The following TENM2 variants were observed in gnomAD, a reference collection of about 807,000 sequenced individuals.
TENM2 encodes the protein teneurin transmembrane protein 2.
TENM2 carries 52 observed loss-of-function variants against 245.2 expected under a neutral mutation model. The observed-to-expected ratio is 0.21, with a 90% CI of 0.17 to 0.27. The LOEUF is 0.27. Among genes scored for constraint, TENM2 ranks in the 10% least tolerant of loss-of-function variants. TENM2 has a pLI of 1.00. For missense variants in TENM2, 3,046 were observed against 3,666.8 expected, an observed-to-expected ratio of 0.83 and a Z score of 4.37; for synonymous variants, 1,363 against 1,438.9, an observed-to-expected ratio of 0.95 and a Z score of 1.19.
chr5:167,169,256 G>A, the TENM2 span, among the ~76,000 whole-genome samples: 2 of 152,258 alleles, frequency 1.3e-5, no homozygotes, highest in Admixed American at 6.5e-5. Flanking sequence ...AAGGTGATCA[G>A]TTTCAACTCT....
chr5:168,040,475 T>C (rs1245882088), intron 5 of TENM2, among the ~76,000 whole-genome samples: 1 of 152,206 alleles, frequency 6.6e-6, no homozygotes, highest in East Asian at 1.9e-4. Flanking sequence ...CAAATCCCAT[T>C]ACCGTTAAAG....
chr5:168,160,101 C>T (rs984803759), intron 12 of TENM2, among the ~76,000 whole-genome samples: 1 of 152,174 alleles, frequency 6.6e-6, no homozygotes, highest in Admixed American at 6.5e-5. Context: ...GTAGGTCTGT[C>T]ATTTAGTGTA....
intron 2 of TENM2, among the ~76,000 whole-genome samples, chr5:167,760,066 G>A (rs1762563070): frequency 6.6e-6 from 1 of 152,174 alleles, no homozygotes; most frequent in African/African-American, 2.4e-5. Flanking sequence ...AGTCACTGTA[G>A]GTATTTGGAG....
At chr5:168,220,631 C>A (rs1434084732) in intron 23 of TENM2, among the ~76,000 whole-genome samples, 2 of 152,068 alleles carry the variant, frequency 1.3e-5, no homozygotes, top group Non-Finnish European at 2.9e-5. Context: ...ATGGTGAGTT[C>A]TTTTTGTTTT....
At chr5:167,035,206 C>T in the TENM2 span, among the ~76,000 whole-genome samples, 1 of 151,838 alleles carries the variant, frequency 6.6e-6, no homozygotes, top group Admixed American at 6.6e-5. Flanking sequence ...TTAGGTTGCA[C>T]ACATTAATTA....
At chr5:167,081,111 A>G in the TENM2 span, among the ~76,000 whole-genome samples, 1 of 151,882 alleles carries the variant, frequency 6.6e-6, no homozygotes. Context: ...TAGATATATT[A>G]TTTTTATGAG....
chr5:167,412,693 A>G (rs961930988), intron 2 of TENM2, among the ~76,000 whole-genome samples: 1 of 152,126 alleles, frequency 6.6e-6, no homozygotes, highest in Non-Finnish European at 1.5e-5. Context: ...CAATGGTTTG[A>G]AAAAACAGTG....
In TENM2 at chr5:168,155,376, A is replaced by C. The variant is rs866092897; in HGVS notation, c.2423-7235A>C. Among the ~76,000 whole-genome samples the C allele has an allele frequency of 5.5e-3, 743 of 136,312 alleles. 8 individuals carry two copies. Among genetic ancestry groups the C allele is most frequent in the African/African-American group, 0.02 (703 of 35,772 alleles). 89.4% of individuals were successfully genotyped at this position (136,312 alleles called of 152,430 possible). On this transcript the variant is annotated intron_variant, in intron 12 of 28. Transcript: ENST00000518659. ...AAAACAAAAAACAAACAAAAAAAAAACAGTGATATTTAAAACAGTTGGTGA... is the reference window on the plus strand; with the variant it reads ...AAAACAAAAAACAAACAAAAAAAAACCAGTGATATTTAAAACAGTTGGTGA...
the TENM2 span, among the ~76,000 whole-genome samples, chr5:167,102,157 C>T: frequency 3.3e-5 from 5 of 150,674 alleles, no homozygotes; most frequent in South Asian, 2.1e-4. Context: ...ATCCAGGAGG[C>T]GGAGGTTGCA....
At chr5:167,929,074 AAAGAAAGAAAG>A (rs1252312615) in intron 3 of TENM2, among the ~76,000 whole-genome samples, 1 of 64,208 alleles carries the variant, frequency 1.6e-5, no homozygotes, top group African/African-American at 7.9e-5. Context: ...AGAAAGAAAG[AAAGAAAGAAAG>A]AAAGAAAGAA....
chr5:167,732,481 T>C (rs1009531565), intron 2 of TENM2, among the ~76,000 whole-genome samples: 1 of 152,190 alleles, frequency 6.6e-6, no homozygotes, highest in Non-Finnish European at 1.5e-5. Flanking sequence ...TTATTGTTTT[T>C]AAGAAAACTT....
chr5:167,924,997 CAT>C (rs1303137747), intron 3 of TENM2, among the ~76,000 whole-genome samples: 2 of 152,112 alleles, frequency 1.3e-5, no homozygotes, highest in African/African-American at 4.8e-5. Context: ...TACAGTTAAA[CAT>C]ATACCCAACA....
At chr5:167,804,290 A>G (rs1765990866) in intron 2 of TENM2, among the ~76,000 whole-genome samples, 1 of 152,096 alleles carries the variant, frequency 6.6e-6, no homozygotes, top group Non-Finnish European at 1.5e-5. Context: ...AAAGAAACAG[A>G]GAAATGGAAA....
intron 7 of TENM2, among the ~76,000 whole-genome samples, chr5:168,086,304 A>C (rs1407170806): frequency 6.6e-6 from 1 of 152,160 alleles, no homozygotes; most frequent in East Asian, 1.9e-4. Context: ...GTCTCTGCCA[A>C]GAAGTGGGGA....
chr5:168,211,377 T>A (rs1294776634), intron 19 of TENM2, among the ~76,000 whole-genome samples: 1 of 152,198 alleles, frequency 6.6e-6, no homozygotes, highest in Non-Finnish European at 1.5e-5. Flanking sequence ...ACCACCACAC[T>A]CCCAGTGGCC....
At chr5:167,532,800 ATATT>A (rs1430584444) in intron 2 of TENM2, among the ~76,000 whole-genome samples, 1 of 131,264 alleles carries the variant, frequency 7.6e-6, no homozygotes, top group South Asian at 2.5e-4. Context: ...ATACACATAT[ATATT>A]TGTGTGTATG....
the TENM2 span, among the ~76,000 whole-genome samples, chr5:167,010,711 A>G: frequency 1.1e-4 from 16 of 152,290 alleles, no homozygotes; most frequent in East Asian, 2.3e-3. Context: ...AAGGAGTTCT[A>G]TATTTGTTTT....
intron 2 of TENM2, among the ~76,000 whole-genome samples, chr5:167,474,900 T>G (rs1195112992): frequency 6.6e-6 from 1 of 152,232 alleles, no homozygotes; most frequent in Non-Finnish European, 1.5e-5. Flanking sequence ...CTGGACTGTT[T>G]TCAAATTTTG....
At chr5:167,826,885 A>G (rs1406215391) in intron 2 of TENM2, among the ~76,000 whole-genome samples, 2 of 152,230 alleles carry the variant, frequency 1.3e-5, no homozygotes, top group Admixed American at 6.5e-5. Context: ...TCCTTTGTCT[A>G]CAGTCAATGG....
Sources: allele counts gnomAD v4.1 joint callset (sites outside exome capture counted in the v4.1 genomes callset), GRCh38; gene constraint gnomAD v4.1.1; transcripts MANE v1.5; gene names NCBI Gene and HGNC (gene_info 2026-07-23, HGNC 2026-07-21).